The following VPS26C variants were observed in gnomAD, a reference collection of about 807,000 sequenced individuals.
The protein encoded by VPS26C is VPS26 endosomal protein sorting factor C.
Under a neutral mutation model 30.6 loss-of-function variants are expected in VPS26C, and 19 were observed. The ratio of observed to expected loss-of-function variants is 0.62; its 90% CI spans 0.43 to 0.91. The LOEUF is 0.91. VPS26C is among the 40% of genes least tolerant of loss of function. VPS26C has a pLI of 0.00. For missense variants in VPS26C, 318 were observed against 385.1 expected (o/e 0.83, Z 1.46); for synonymous variants, 132 against 151.5 (o/e 0.87, Z 0.95).
At chr21:37,265,664 G>A (rs1176863044) in intron 1 of VPS26C, among the ~76,000 whole-genome samples, 4 of 151,990 alleles carry the variant, frequency 2.6e-5, no homozygotes, top group African/African-American at 4.8e-5. Flanking sequence ...AAGAATCCAC[G>A]CTACTTGTTT....
In VPS26C at chr21:37,226,176, C is replaced by T. The variant is rs150257862; in HGVS notation, c.812-550G>A. 238 of 156,218 alleles carry T rather than the reference C, an allele frequency of 1.5e-3. 2 individuals are homozygous for T. The highest frequency in any genetic ancestry group is 5.3e-3 in the African/African-American group (220 of 41,660). The allele number at this position is 156,218 out of a possible 1,614,324, so 9.7% of individuals were successfully genotyped here. A position where few individuals can be genotyped will look rare whatever the true frequency, so the allele number is the denominator to read the frequency against. On this transcript the variant is annotated intron_variant, in intron 7 of 7. Transcript: ENST00000309117. This position sits in a 1 kb window ranked among gnomAD's most constrained non-coding sequence, Gnocchi z 4.1. Reference sequence around the variant, plus strand: ...GACTCTTCAGCTGATATGGGTGAGCCTTGTTGATCCTAACAAAAGGGATGT... The same window carrying T: ...GACTCTTCAGCTGATATGGGTGAGCTTTGTTGATCCTAACAAAAGGGATGT...
chr21:37,235,693 T>C (rs997988878), intron 3 of VPS26C, among the ~76,000 whole-genome samples: 1 of 151,910 alleles, frequency 6.6e-6, no homozygotes, highest in African/African-American at 2.4e-5. Context: ...GATGATCATA[T>C]GAAGTATCTA....
rs372195592 is a variant in VPS26C at position 37,252,558 on chromosome 21, T to A, written c.58-11919A>T. Among the ~76,000 whole-genome samples the A allele has an allele frequency of 1.7e-4, 26 of 152,150 alleles. No individual in the cohort carries two copies. In the Middle Eastern group the frequency reaches 0.01, roughly 60 times the overall value. ...GAAACAAACAAACAAACAAACAAAC[T>A]AAGACAATGCCACTCAGCAACCCCA... is the stretch of plus-strand genomic sequence containing the variant. On this transcript the variant is annotated intron_variant, in intron 1 of 7. Transcript: ENST00000309117.
chr21:37,253,849 A>C (rs2086216915), intron 1 of VPS26C, among the ~76,000 whole-genome samples: 1 of 152,220 alleles, frequency 6.6e-6, no homozygotes, highest in Non-Finnish European at 1.5e-5. Context: ...TTTTTGGATT[A>C]GGGATGCTCA....
At chr21:37,238,370 GGGCCC>G in intron 3 of VPS26C, 85 bp downstream of exon 3, 1 of 1,438,592 alleles carries the variant, frequency 7.0e-7, no homozygotes, top group Non-Finnish European at 9.5e-7. Flanking sequence ...TTAAATTCTT[GGGCCC>G]GTCTACTAAC....
rs1483301505 is a variant in VPS26C, at chr21:37,267,086, C to T, written c.57+152G>A. Reference sequence around the variant, plus strand: ...CGGGAAGCACCTGGCGGGGACGCACCTGGCGGGAACGCACCCACCTTGGCG... The same window carrying T: ...CGGGAAGCACCTGGCGGGGACGCACTTGGCGGGAACGCACCCACCTTGGCG... On this transcript the variant is annotated intron_variant, in intron 1 of 7. Transcript: ENST00000309117. The T allele has an allele frequency of 5.3e-6, 4 of 755,854 alleles. No homozygotes were observed. In the Admixed American group the frequency reaches 8.3e-5, roughly 16 times the overall value. The allele number at this position is 755,854 out of a possible 1,614,324, so 46.8% of individuals were successfully genotyped here. A position where few individuals can be genotyped will look rare whatever the true frequency, so the allele number is the denominator to read the frequency against.
intron 1 of VPS26C, among the ~76,000 whole-genome samples, chr21:37,256,607 A>G (rs1279991812): frequency 6.6e-6 from 1 of 152,126 alleles, no homozygotes; most frequent in Non-Finnish European, 1.5e-5. Context: ...TTGGAAAGGC[A>G]CTATTTCTCT....
chr21:37,251,117 T>C (rs1271931788), intron 1 of VPS26C, among the ~76,000 whole-genome samples: 3 of 152,130 alleles, frequency 2.0e-5, no homozygotes, highest in Non-Finnish European at 4.4e-5. Flanking sequence ...GGGGAGGCAA[T>C]AAGCCTTCTC....
At chr21:37,255,874 G>C (rs1000023894) in intron 1 of VPS26C, among the ~76,000 whole-genome samples, 1 of 44,516 alleles carries the variant, frequency 2.2e-5, no homozygotes, top group Non-Finnish European at 3.6e-5. Flanking sequence ...TTTTTTTTTA[G>C]ATAGAGGCTG....
chr21:37,240,905 T>C (rs2086080590), intron 1 of VPS26C, among the ~76,000 whole-genome samples: 1 of 152,140 alleles, frequency 6.6e-6, no homozygotes, highest in African/African-American at 2.4e-5. Flanking sequence ...CTCTCAGACA[T>C]GTCTTCATTC....
intron 1 of VPS26C, among the ~76,000 whole-genome samples, chr21:37,248,414 GA>G (rs1333489553): frequency 6.6e-6 from 1 of 151,862 alleles, no homozygotes; most frequent in East Asian, 1.9e-4. Context: ...TCCAAAATAA[GA>G]AATAAGAGCA....
chr21:37,247,522 C>T (rs186220183), intron 1 of VPS26C, among the ~76,000 whole-genome samples: 1 of 152,138 alleles, frequency 6.6e-6, no homozygotes, highest in Non-Finnish European at 1.5e-5. Context: ...GCAAACAAGA[C>T]AGACTGTAAA....
At chr21:37,241,076 C>T (rs2086082552) in intron 1 of VPS26C, among the ~76,000 whole-genome samples, 1 of 152,210 alleles carries the variant, frequency 6.6e-6, no homozygotes, top group East Asian at 1.9e-4. Context: ...TTCTCAATAG[C>T]GCTGACTAAA....
intron 1 of VPS26C, among the ~76,000 whole-genome samples, chr21:37,266,470 A>G (rs1263920069): frequency 6.6e-6 from 1 of 152,142 alleles, no homozygotes; most frequent in African/African-American, 2.4e-5. Flanking sequence ...TGGGAGTGGA[A>G]CCCAAGCAAT....
chr21:37,244,031 G>C (rs1445950035), intron 1 of VPS26C, among the ~76,000 whole-genome samples: 1 of 152,132 alleles, frequency 6.6e-6, no homozygotes, highest in Non-Finnish European at 1.5e-5. Flanking sequence ...ACACCACTCA[G>C]AGCCTGCTTC....
rs1025657761 is a variant in VPS26C at position 37,223,456 on chromosome 21, A to G, written c.*2088T>C. The stretch of plus-strand genomic sequence containing the variant: ...ATAAAATCAGTTTATTAAATTACAT[A>G]GCAATATACATCCCAAACCTTTTCT... On this transcript the variant is annotated 3_prime_UTR_variant, in exon 8 of 8. Transcript: ENST00000309117. 5 of 152,268 alleles carry G rather than the reference A, an allele frequency of 3.3e-5. No individual in the cohort carries two copies. Among genetic ancestry groups the G allele is most frequent in the African/African-American group, 7.2e-5 (3 of 41,462 alleles). 9.4% of individuals were successfully genotyped at this position (152,268 alleles called of 1,614,324 possible).
In VPS26C at chr21:37,257,575, G is replaced by T. The variant is rs1322595868; in HGVS notation, c.57+9663C>A. ...TATAACAACGACCTGATGAAAAAAG[G>T]AACGCGTGAAATGGGGAGTGTTAGG... On this transcript the variant is annotated intron_variant, in intron 1 of 7. Coordinates refer to ENST00000309117, the MANE Select transcript of VPS26C (RefSeq NM_006052.2). This position sits in a 1 kb window ranked among gnomAD's most constrained non-coding sequence, Gnocchi z 4.2. 6.6e-6 allele frequency among the ~76,000 whole-genome samples: 1 copy of T among 152,208 alleles called. No individual in the cohort carries two copies. The highest frequency in any genetic ancestry group is 1.5e-5 in the Non-Finnish European group (1 of 68,044).
At position 37,228,327 on chromosome 21, in the gene VPS26C, G is replaced by C. The variant is rs2085925863; in HGVS notation, c.554C>G (p.Thr185Arg). 1 of 1,614,176 alleles carries C rather than the reference G, an allele frequency of 6.2e-7. No homozygotes were observed. The highest frequency in any genetic ancestry group is 8.5e-7 in the Non-Finnish European group (1 of 1,180,012). The stretch of plus-strand genomic sequence containing the variant: ...TAGTGGCTGCGTGATGACACAGTTT[G>C]TTGAGTTGAGATGTCCTCGAAGGAG... ...KFLLRGHLNS[T>R]NCVITQPLTG... is the part of the protein sequence containing the mutation. The change falls in exon 6 of 8, where the codon ACA becomes AGA. Residue 185 changes from threonine to arginine, a missense_variant. By Grantham distance (71) the Thr-to-Arg change is moderately conservative (BLOSUM62 -1). Transcript: ENST00000309117.
intron 5 of VPS26C, chr21:37,229,599 G>A (rs1418404726): frequency 6.6e-6 from 1 of 152,200 alleles, no homozygotes; most frequent in African/African-American, 2.4e-5. Context: ...TATCAAAAGT[G>A]TTATCACTTC....
Sources: gnomAD v4.1 joint callset for allele counts (sites outside exome capture counted in the v4.1 genomes callset) on GRCh38, gnomAD v4.1.1 for gene constraint, Gnocchi (gnomAD v3.1) non-coding constraint, MANE v1.5 for transcripts, NCBI Gene and HGNC (gene_info 2026-07-23, HGNC 2026-07-21) for gene names.